Variants in KCNG3 observed in about 807,000 individuals in gnomAD.
The protein encoded by KCNG3 is potassium voltage-gated channel modifier subfamily G member 3.
A neutral mutation model predicts 29.0 loss-of-function variants in KCNG3; 15 were observed. The observed-to-expected ratio is 0.52, with a 90% confidence interval of 0.35 to 0.80. The LOEUF (loss-of-function observed/expected upper bound fraction) is 0.80, where lower values mean the gene tolerates loss of function less well. KCNG3 is among the 30% of genes least tolerant of loss of function. The probability of loss-of-function intolerance (pLI) is 0.01; values close to 1 mark genes in which losing one functional copy is unlikely to be tolerated. For missense variants in KCNG3, 512 were observed against 605.7 expected, an observed-to-expected ratio of 0.85 and a Z score of 1.62; for synonymous variants, 322 against 248.9, an observed-to-expected ratio of 1.29 and a Z score of -2.76.
chr2:42,434,828 AT>A, the KCNG3 span, among the ~76,000 whole-genome samples: 1 of 152,190 alleles, frequency 6.6e-6, no homozygotes, highest in East Asian at 1.9e-4. Flanking sequence ...TCTATGGTCA[AT>A]TGATTTTTGT....
At chr2:42,430,581 T>A in the KCNG3 span, among the ~76,000 whole-genome samples, 1 of 151,628 alleles carries the variant, frequency 6.6e-6, no homozygotes. Context: ...TTAGCCCTTG[T>A]CTGTACAAAA....
At position 42,443,160 on chromosome 2, in the gene KCNG3, C is replaced by T. The variant is rs770383145; in HGVS notation, c.*774G>A. Reference sequence around the variant, plus strand: ...TTGTTTGGACATCTAAATATTAGGACAGTTATCACCTAGGAACAGCAATGA... The same window carrying T: ...TTGTTTGGACATCTAAATATTAGGATAGTTATCACCTAGGAACAGCAATGA... On this transcript the variant is annotated 3_prime_UTR_variant, in exon 2 of 2. Coordinates refer to ENST00000306078, the MANE Select transcript of KCNG3 (RefSeq NM_133329.6). The T allele has an allele frequency of 1.1e-4, 16 of 152,090 alleles. No individual in the cohort carries two copies. Among genetic ancestry groups the T allele is most frequent in the Non-Finnish European group, 1.9e-4 (13 of 68,018 alleles). The allele number at this position is 152,090 out of a possible 1,614,324, so 9.4% of individuals were successfully genotyped here.
chr2:42,453,192 T>C (rs1672804384), intron 1 of KCNG3, among the ~76,000 whole-genome samples: 1 of 152,244 alleles, frequency 6.6e-6, no homozygotes. Context: ...GCTGATTTCC[T>C]TTCTGTTGGG....
At chr2:42,476,920 T>TCA (rs1415436041) in intron 1 of KCNG3, among the ~76,000 whole-genome samples, 1 of 144,316 alleles carries the variant, frequency 6.9e-6, no homozygotes, top group Non-Finnish European at 1.5e-5. Context: ...GCGTGGTGGC[T>TCA]CACACCTGTA....
At chr2:42,476,709 C>T (rs982645448) in intron 1 of KCNG3, among the ~76,000 whole-genome samples, 4 of 148,910 alleles carry the variant, frequency 2.7e-5, no homozygotes, top group Non-Finnish European at 4.5e-5. Flanking sequence ...AGGCTGGTCT[C>T]GAACTCCTGG....
chr2:42,431,041 G>A, the KCNG3 span, among the ~76,000 whole-genome samples: 14 of 151,526 alleles, frequency 9.2e-5, no homozygotes, highest in Non-Finnish European at 2.9e-5. Context: ...AGGAGGCAGA[G>A]GTTGCAGTGA....
At chr2:42,490,539 G>A (rs1391548534) in intron 1 of KCNG3, among the ~76,000 whole-genome samples, 3 of 152,200 alleles carry the variant, frequency 2.0e-5, no homozygotes, top group South Asian at 2.1e-4. Flanking sequence ...GGCCTTCTCT[G>A]AACAACGGAA....
chr2:42,475,441 G>A (rs918814363), intron 1 of KCNG3, among the ~76,000 whole-genome samples: 11 of 150,492 alleles, frequency 7.3e-5, no homozygotes, highest in Admixed American at 5.4e-4. Context: ...TGATTCTCGT[G>A]CCTCAGCCTC....
chr2:42,461,177 C>CA (rs1482021088), intron 1 of KCNG3, among the ~76,000 whole-genome samples: 58 of 19,226 alleles, frequency 3.0e-3, no homozygotes, highest in African/African-American at 9.5e-3. Context: ...CAAAACAAAA[C>CA]AAAACAAAAA....
the KCNG3 span, among the ~76,000 whole-genome samples, chr2:42,411,865 C>T: frequency 1.3e-5 from 2 of 152,206 alleles, no homozygotes; most frequent in Non-Finnish European, 2.9e-5. Context: ...TCATTCTCAT[C>T]TACTTCTCTG....
At chr2:42,438,180 C>A (rs1489756332), downstream of KCNG3, among the ~76,000 whole-genome samples, 1 of 152,062 alleles carries the variant, frequency 6.6e-6, no homozygotes, top group African/African-American at 2.4e-5. Context: ...TATATTACTA[C>A]AGCAGATGTC....
the KCNG3 span, among the ~76,000 whole-genome samples, chr2:42,404,262 G>T: frequency 6.6e-6 from 1 of 151,804 alleles, no homozygotes; most frequent in Non-Finnish European, 1.5e-5. Context: ...GCACAGAATT[G>T]TTGATAGTAT....
intron 1 of KCNG3, among the ~76,000 whole-genome samples, chr2:42,455,984 T>C (rs1441035963): frequency 2.0e-5 from 3 of 149,618 alleles, no homozygotes; most frequent in African/African-American, 7.3e-5. Flanking sequence ...ATATATAGTA[T>C]ATTTTAAATA....
chr2:42,420,382 TAA>T, the KCNG3 span, among the ~76,000 whole-genome samples: 1 of 152,202 alleles, frequency 6.6e-6, no homozygotes, highest in African/African-American at 2.4e-5. Context: ...AGGGGGTTAA[TAA>T]TAACTACCTT....
chr2:42,406,798 G>A, the KCNG3 span, among the ~76,000 whole-genome samples: 1 of 144,468 alleles, frequency 6.9e-6, no homozygotes. Context: ...CTGCACTCCA[G>A]CCTGGGTGAC....
chr2:42,397,683 G>A, the KCNG3 span, among the ~76,000 whole-genome samples: 2 of 152,176 alleles, frequency 1.3e-5, no homozygotes, highest in African/African-American at 4.8e-5. Flanking sequence ...ATGCTCTGTG[G>A]TTGCTTTGAA....
intron 1 of KCNG3, among the ~76,000 whole-genome samples, chr2:42,452,243 A>ATATATATATATATATATATTTT: frequency 5.5e-4 from 52 of 95,038 alleles, no homozygotes; most frequent in East Asian, 1.8e-3. Flanking sequence ...ATATATATAT[A>ATATATATATATATATATATTTT]TTTTTTTTTT....
chr2:42,459,192 A>G (rs1672952193), intron 1 of KCNG3, among the ~76,000 whole-genome samples: 1 of 126,314 alleles, frequency 7.9e-6, no homozygotes, highest in Non-Finnish European at 1.7e-5. Context: ...GCGAAACTCC[A>G]TCGTCTCAAA....
At chr2:42,409,731 T>TAAAAAAAAAAA in the KCNG3 span, among the ~76,000 whole-genome samples, 7 of 77,108 alleles carry the variant, frequency 9.1e-5, 1 homozygote, top group African/African-American at 2.9e-4. Context: ...AAAAAAAAAT[T>TAAAAAAAAAAA]TTTTTTTAAA....
Sources: gnomAD v4.1 joint callset for allele counts (sites outside exome capture counted in the v4.1 genomes callset) on GRCh38, gnomAD v4.1.1 for gene constraint, MANE v1.5 for transcripts, NCBI Gene and HGNC (gene_info 2026-07-23, HGNC 2026-07-21) for gene names.